Variants in CFDP1 observed in about 807,000 individuals in gnomAD.
CFDP1 encodes chromatin remodeling protein CFDP1, also known as heterochromatin-stabilizing protein CFDP1.
In CFDP1, 31 loss-of-function variants were observed where a neutral mutation model predicts 40.1. The observed-to-expected ratio is 0.77, with a 90% CI of 0.58 to 1.04. CFDP1 has a LOEUF of 1.04. CFDP1 is among the 50% of genes least tolerant of loss of function. The pLI is 0.00. For missense variants in CFDP1, 423 were observed against 343.4 expected (o/e 1.23, Z -1.83); for synonymous variants, 167 against 120.0 (o/e 1.39, Z -2.56).
At chr16:75,324,742 T>TA (rs3071616) in intron 5 of CFDP1, 4,275 of 137,600 alleles carry the variant, frequency 0.031, 106 homozygotes, top group African/African-American at 0.053. Flanking sequence ...GACTTTGTCT[T>TA]AAAAAAAAAA....
At chr16:75,347,331 G>A (rs1385700132) in intron 5 of CFDP1, among the ~76,000 whole-genome samples, 3 of 96,938 alleles carry the variant, frequency 3.1e-5, no homozygotes, top group Non-Finnish European at 5.9e-5. Flanking sequence ...GCGACACAGT[G>A]AGACTCCATC....
At chr16:75,393,737 C>CAAAA (rs61344775) in intron 5 of CFDP1, among the ~76,000 whole-genome samples, 10 of 80,620 alleles carry the variant, frequency 1.2e-4, no homozygotes, top group Non-Finnish European at 1.8e-4. Flanking sequence ...GACTCCGTCG[C>CAAAA]AAAAAAAAAA....
chr16:75,383,983 T>A (rs1322669271), intron 5 of CFDP1, among the ~76,000 whole-genome samples: 1 of 152,210 alleles, frequency 6.6e-6, no homozygotes, highest in Non-Finnish European at 1.5e-5. Flanking sequence ...ATGCAAACCT[T>A]AATTTATTCA....
At chr16:75,304,361 C>G (rs781471467) in intron 6 of CFDP1, among the ~76,000 whole-genome samples, 2 of 152,234 alleles carry the variant, frequency 1.3e-5, no homozygotes, top group Non-Finnish European at 2.9e-5. Flanking sequence ...AACCACCATG[C>G]CTGGCCACCA....
intron 4 of CFDP1, among the ~76,000 whole-genome samples, chr16:75,399,645 G>A (rs2079030955): frequency 6.6e-6 from 1 of 151,902 alleles, no homozygotes; most frequent in Admixed American, 6.6e-5. Flanking sequence ...TCCCAGTGCT[G>A]GGATTACAGG....
intron 5 of CFDP1, 154 bp from the exon 6 acceptor site, chr16:75,305,336 A>T: frequency 1.5e-6 from 1 of 682,098 alleles, no homozygotes; most frequent in South Asian, 2.0e-5. Context: ...TGGTGTGGAG[A>T]GCACTGTAAG....
chr16:75,395,437 G>A (rs2078988285), intron 4 of CFDP1, among the ~76,000 whole-genome samples: 1 of 152,032 alleles, frequency 6.6e-6, no homozygotes, highest in Non-Finnish European at 1.5e-5. Context: ...GAGGCAGGCG[G>A]ATCACAAGGT....
rs2079187206 is a variant in CFDP1 at position 75,414,432 on chromosome 16, AT to A, written c.182+145del. On this transcript the variant is annotated intron_variant, in intron 2 of 6. Coordinates refer to ENST00000283882, the MANE Select transcript of CFDP1 (RefSeq NM_006324.3). ...AAGCTTTCCAGAGACCAAGAAGTTA[AT>A]CCTAAAATAACAGCAAATGTTTCCC... The A allele has an allele frequency of 1.5e-5, 10 of 646,494 alleles. No homozygotes were observed. The South Asian group carries it at 2.0e-4, about 13-fold the overall frequency. 40.0% of individuals were successfully genotyped at this position (646,494 alleles called of 1,614,324 possible). A position where few individuals can be genotyped will look rare whatever the true frequency, so the allele number is the denominator to read the frequency against.
chr16:75,345,300 T>C (rs1209742396), intron 5 of CFDP1, among the ~76,000 whole-genome samples: 2 of 151,932 alleles, frequency 1.3e-5, no homozygotes, highest in African/African-American at 4.8e-5. Flanking sequence ...CTACTAAAAA[T>C]ACAAAAATTA....
At chr16:75,386,585 C>T (rs1026988321) in intron 5 of CFDP1, among the ~76,000 whole-genome samples, 21 of 152,066 alleles carry the variant, frequency 1.4e-4, no homozygotes, top group Admixed American at 1.3e-3. Flanking sequence ...ATTAGCCGGG[C>T]GTGGTGGCAG....
chr16:75,368,186 C>T (rs559496770), intron 5 of CFDP1, among the ~76,000 whole-genome samples: 143 of 152,234 alleles, frequency 9.4e-4, no homozygotes, highest in Admixed American at 3.0e-3. Context: ...CAACAAAAAA[C>T]TTACGATACA....
Position 75,328,612 on chromosome 16 carries a change from A to C in CFDP1, c.651-23430T>G, listed in dbSNP as rs1054263776. Among the ~76,000 whole-genome samples the C allele has an allele frequency of 3.3e-5, 5 of 149,944 alleles. No homozygotes were observed. The East Asian group carries it at 6.1e-4, about 18-fold the overall frequency. On this transcript the variant is annotated intron_variant, in intron 5 of 6. Transcript: ENST00000283882. ...GAAACTCTGTCTTAAAAAAAAAAAA[A>C]AAAAAAAAAAACTAGAGTGGAGGAA...
intron 1 of CFDP1, among the ~76,000 whole-genome samples, chr16:75,420,321 A>C (rs1286038830): frequency 1.3e-5 from 2 of 152,282 alleles, no homozygotes; most frequent in East Asian, 3.9e-4. Flanking sequence ...TTCAAACATC[A>C]GATGTCCATT....
chr16:75,397,186 T>G (rs1281388983), intron 4 of CFDP1, among the ~76,000 whole-genome samples: 1 of 150,604 alleles, frequency 6.6e-6, no homozygotes, highest in Non-Finnish European at 1.5e-5. Context: ...AGTGCTGGGA[T>G]TACAGGCGTG....
At chr16:75,325,781 C>A (rs1178500988) in intron 5 of CFDP1, among the ~76,000 whole-genome samples, 1 of 152,202 alleles carries the variant, frequency 6.6e-6, no homozygotes, top group African/African-American at 2.4e-5. Context: ...ATTAAAGTAA[C>A]AACTCTGCAT....
In CFDP1 at chr16:75,421,147, A is replaced by G. The variant is rs545991925; in HGVS notation, c.65-6452T>C. ...GAGGTTCCTGCTGTTTGCAGCGGGG[A>G]GGAGCCCGGCCCCTCTTCTTCCTGT... On this transcript the variant is annotated intron_variant, in intron 1 of 6. Transcript: ENST00000283882. Among the ~76,000 whole-genome samples the G allele has an allele frequency of 2.6e-4, 40 of 152,266 alleles. 1 individual carries two copies. The highest frequency in any genetic ancestry group is 9.6e-4 in the African/African-American group (40 of 41,554).
chr16:75,325,288 A>G (rs1477068088), intron 5 of CFDP1, among the ~76,000 whole-genome samples: 1 of 152,200 alleles, frequency 6.6e-6, no homozygotes, highest in East Asian at 1.9e-4. Context: ...AGCCCCTTGT[A>G]TAGTCCCCTT....
intron 5 of CFDP1, among the ~76,000 whole-genome samples, chr16:75,330,903 G>A (rs1410540576): frequency 6.6e-6 from 1 of 150,434 alleles, no homozygotes; most frequent in Non-Finnish European, 1.5e-5. Flanking sequence ...TTATTCTGAA[G>A]GCTGCCTCTG....
At chr16:75,426,224 C>A (rs553833391) in intron 1 of CFDP1, among the ~76,000 whole-genome samples, 3 of 151,736 alleles carry the variant, frequency 2.0e-5, no homozygotes, top group African/African-American at 7.3e-5. Flanking sequence ...GTGGCACATG[C>A]CTGCAATCCC....
Sources: gnomAD v4.1 joint callset for allele counts (sites outside exome capture counted in the v4.1 genomes callset) on GRCh38, gnomAD v4.1.1 for gene constraint, MANE v1.5 for transcripts, NCBI Gene and HGNC (gene_info 2026-07-23, HGNC 2026-07-21) for gene names.